The following NEGR1 variants were observed in gnomAD, a reference collection of about 807,000 sequenced individuals.
NEGR1 encodes the protein IgLON family member 4.
Under a neutral mutation model 40.9 loss-of-function variants are expected in NEGR1, and 10 were observed. The ratio of observed to expected loss-of-function variants is 0.24; its 90% CI spans 0.15 to 0.42. The LOEUF (loss-of-function observed/expected upper bound fraction) is 0.42. NEGR1 is among the 10% of genes least tolerant of loss of function. The pLI, the probability that NEGR1 is intolerant of heterozygous loss-of-function variation, is 1.00. For synonymous variants in NEGR1, 185 were observed against 166.8 expected, an observed-to-expected ratio of 1.11 and a Z score of -0.84; for missense variants, 352 against 438.9, an observed-to-expected ratio of 0.80 and a Z score of 1.77.
At chr1:72,091,893 C>T (rs1352622822) in intron 1 of NEGR1, among the ~76,000 whole-genome samples, 3 of 152,094 alleles carry the variant, frequency 2.0e-5, no homozygotes, top group African/African-American at 7.2e-5. Flanking sequence ...TGTGCCCTCA[C>T]ATAACGTGTG....
At chr1:71,591,940 T>C (rs1283564349) in intron 6 of NEGR1, among the ~76,000 whole-genome samples, 1 of 152,074 alleles carries the variant, frequency 6.6e-6, no homozygotes, top group Non-Finnish European at 1.5e-5. Flanking sequence ...TAGCTTACTA[T>C]AACAAGATCG....
chr1:72,082,181 T>A (rs1234620988), intron 1 of NEGR1, among the ~76,000 whole-genome samples: 1 of 152,086 alleles, frequency 6.6e-6, no homozygotes, highest in Non-Finnish European at 1.5e-5. Flanking sequence ...TAAGAGTTTA[T>A]TTGAACAGCA....
chr1:71,658,384 C>A (rs778647779), intron 4 of NEGR1, among the ~76,000 whole-genome samples: 2 of 151,918 alleles, frequency 1.3e-5, no homozygotes, highest in Non-Finnish European at 2.9e-5. Flanking sequence ...CTATTGTCGT[C>A]CTTGGTTAGA....
At chr1:71,764,099 C>G (rs182114777) in intron 3 of NEGR1, among the ~76,000 whole-genome samples, 9 of 152,276 alleles carry the variant, frequency 5.9e-5, no homozygotes, top group African/African-American at 2.2e-4. Flanking sequence ...CAAGTGGTGA[C>G]ATGAAGTACT....
intron 1 of NEGR1, among the ~76,000 whole-genome samples, chr1:72,259,266 G>C (rs1655375877): frequency 6.6e-6 from 1 of 152,096 alleles, no homozygotes; most frequent in Non-Finnish European, 1.5e-5. Flanking sequence ...ATTAATTCAG[G>C]CACTGTGCTA....
intron 6 of NEGR1, among the ~76,000 whole-genome samples, chr1:71,456,680 G>T (rs981397452): frequency 6.6e-6 from 1 of 152,100 alleles, no homozygotes; most frequent in Non-Finnish European, 1.5e-5. Context: ...AAGTTCAGAC[G>T]CAAAGAAAAT....
At position 71,786,497 on chromosome 1, in the gene NEGR1, G is replaced by T. The variant is rs138946597; in HGVS notation, c.410-10200C>A. On this transcript the variant is annotated intron_variant, in intron 2 of 6. Transcript: ENST00000357731. ...CACTGTGGCTTTCTGCCTTCCTTAC[G>T]GGAAACATGTCTAAAAAAGGTTACC... Among the ~76,000 whole-genome samples, 883 of 152,156 alleles carry T rather than the reference G, an allele frequency of 5.8e-3. 7 individuals are homozygous for T. The highest frequency in any genetic ancestry group is 0.02 in the African/African-American group (841 of 41,504).
intron 5 of NEGR1, among the ~76,000 whole-genome samples, chr1:71,609,866 T>C (rs1485646901): frequency 5.3e-5 from 8 of 152,192 alleles, no homozygotes; most frequent in Admixed American, 3.9e-4. Flanking sequence ...GAAAGACCCA[T>C]GGGAGGTGAT....
intron 6 of NEGR1, among the ~76,000 whole-genome samples, chr1:71,475,298 A>T (rs1454002081): frequency 1.3e-5 from 2 of 152,088 alleles, no homozygotes; most frequent in African/African-American, 4.8e-5. Flanking sequence ...AGTATTTGAA[A>T]AATGTGATTT....
chr1:72,125,048 C>T (rs912478812), intron 1 of NEGR1, among the ~76,000 whole-genome samples: 2 of 151,938 alleles, frequency 1.3e-5, no homozygotes, highest in East Asian at 3.9e-4. Context: ...CATCACTGTA[C>T]GTCACTCAAA....
rs112820975 is a variant in NEGR1, at chr1:72,186,811, T to C, written c.176+95508A>G. 6.6e-3 allele frequency among the ~76,000 whole-genome samples: 1,009 copies of C among 151,740 alleles called. 6 individuals carry two copies. Among genetic ancestry groups the C allele is most frequent in the Non-Finnish European group, 0.012 (833 of 67,670 alleles). ...TGAGAATTCAATGAGGTAAAACATT[T>C]AGAAGAACTCTGAAAACTGTAATTT... is the stretch of plus-strand genomic sequence containing the variant. On this transcript the variant is annotated intron_variant, in intron 1 of 6. Coordinates refer to ENST00000357731, the MANE Select transcript of NEGR1 (RefSeq NM_173808.3).
At position 71,756,951 on chromosome 1, in the gene NEGR1, A is replaced by G. The variant is rs1161565591; in HGVS notation, c.535+19221T>C. The stretch of plus-strand genomic sequence containing the variant: ...TATATTTTGAGGGCAAGTTCTCAAG[A>G]CTTTAGAATGGCTTTAATTTATAAA... On this transcript the variant is annotated intron_variant, in intron 3 of 6. Transcript: ENST00000357731. Among the ~76,000 whole-genome samples the G allele has an allele frequency of 3.3e-5, 5 of 152,224 alleles. No homozygotes were observed. The East Asian group carries it at 9.7e-4, about 29-fold the overall frequency.
chr1:71,762,779 A>G lies in NEGR1; in HGVS notation c.535+13393T>C, dbSNP rs560929845. 4.6e-5 allele frequency among the ~76,000 whole-genome samples: 7 copies of G among 152,268 alleles called. No homozygotes were observed. In the East Asian group the frequency reaches 1.4e-3, roughly 29 times the overall value. The stretch of plus-strand genomic sequence containing the variant: ...AGGACATTCTATAAATGACAAAATT[A>G]CAGAATTGGAAAATAGAATGTTAAA... On this transcript the variant is annotated intron_variant, in intron 3 of 6. Transcript: ENST00000357731.
intron 3 of NEGR1, among the ~76,000 whole-genome samples, chr1:71,731,826 T>G (rs1654881182): frequency 6.6e-6 from 1 of 152,212 alleles, no homozygotes; most frequent in East Asian, 1.9e-4. Context: ...GATTTAGTTT[T>G]AAGGTCGTTT....
chr1:71,641,415 G>T (rs1446979681), intron 4 of NEGR1, among the ~76,000 whole-genome samples: 1 of 152,020 alleles, frequency 6.6e-6, no homozygotes, highest in Admixed American at 6.6e-5. Context: ...AAAACATTTT[G>T]TGTACAGAAA....
chr1:72,271,324 T>C (rs1305398193), intron 1 of NEGR1, among the ~76,000 whole-genome samples: 1 of 151,922 alleles, frequency 6.6e-6, no homozygotes, highest in African/African-American at 2.4e-5. Flanking sequence ...GCTGCAACTT[T>C]AAGTGAAACA....
At chr1:71,633,042 T>C (rs1651027653) in intron 4 of NEGR1, among the ~76,000 whole-genome samples, 1 of 152,142 alleles carries the variant, frequency 6.6e-6, no homozygotes. Context: ...GTCTTTAAAA[T>C]ATCTCTAATA....
chr1:71,597,472 C>CTCTCTCTCTCTCTCTCTGTGTG (rs756076229), intron 5 of NEGR1, among the ~76,000 whole-genome samples: 1 of 31,334 alleles, frequency 3.2e-5, no homozygotes, highest in African/African-American at 1.0e-4. Context: ...CTCTCTCTCT[C>CTCTCTCTCTCTCTCTCTGTGTG]TGTGTGTGTG....
intron 4 of NEGR1, among the ~76,000 whole-genome samples, chr1:71,660,411 A>G (rs964190365): frequency 2.6e-5 from 4 of 152,114 alleles, no homozygotes; most frequent in African/African-American, 9.7e-5. Flanking sequence ...AATCATATGT[A>G]CAACAAGCCC....
Sources: allele counts gnomAD v4.1 joint callset (sites outside exome capture counted in the v4.1 genomes callset), GRCh38; gene constraint gnomAD v4.1.1; transcripts MANE v1.5; gene names NCBI Gene and HGNC (gene_info 2026-07-23, HGNC 2026-07-21).